AFF1: variants seen among roughly 807,000 people sequenced by gnomAD.
AFF1 encodes AF4/FMR2 family member 1.
Under a neutral mutation model 121.7 loss-of-function variants are expected in AFF1, and 48 were observed. The observed-to-expected ratio is 0.39, with a 90% CI of 0.31 to 0.50. The LOEUF (loss-of-function observed/expected upper bound fraction) is 0.50, where lower values mean the gene tolerates loss of function less well. Among genes scored for constraint, AFF1 ranks in the 20% least tolerant of loss-of-function variants. The pLI, the probability that AFF1 is intolerant of heterozygous loss-of-function variation, is 0.76. For missense variants in AFF1, 1,523 were observed against 1,511.7 expected, an observed-to-expected ratio of 1.01 and a Z score of -0.12; for synonymous variants, 613 against 563.0, an observed-to-expected ratio of 1.09 and a Z score of -1.26.
intron 2 of AFF1, among the ~76,000 whole-genome samples, chr4:86,991,992 C>G (rs1281070406): frequency 5.9e-5 from 9 of 152,150 alleles, no homozygotes; most frequent in Admixed American, 5.2e-4. Flanking sequence ...CAGAAGTCGT[C>G]TAGCTGAGCT....
chr4:87,009,373 A>G (rs1726496338), intron 2 of AFF1, among the ~76,000 whole-genome samples: 1 of 152,236 alleles, frequency 6.6e-6, no homozygotes, highest in African/African-American at 2.4e-5. Context: ...GGAGCTGCCA[A>G]GCCTCAGTAT....
intron 18 of AFF1, 43 bp from the exon 19 acceptor site, chr4:87,132,228 G>T: frequency 6.3e-7 from 1 of 1,594,240 alleles, no homozygotes; most frequent in Non-Finnish European, 8.5e-7. Context: ...CTTTTCTGTA[G>T]TATGATAGTC....
At chr4:86,938,495 C>A (rs1311083525) in intron 1 of AFF1, among the ~76,000 whole-genome samples, 1 of 149,740 alleles carries the variant, frequency 6.7e-6, no homozygotes, top group African/African-American at 2.5e-5. Context: ...GTGTATTTAC[C>A]ATAAATATAC....
intron 13 of AFF1, 109 bp downstream of exon 13, chr4:87,125,252 T>C (rs901318602): frequency 1.4e-6 from 1 of 692,890 alleles, no homozygotes; most frequent in African/African-American, 1.8e-5. Flanking sequence ...ATTAATAAAC[T>C]CAAGCTCATT....
intron 11 of AFF1, among the ~76,000 whole-genome samples, chr4:87,109,367 C>T (rs570359390): frequency 7.9e-5 from 12 of 152,200 alleles, no homozygotes; most frequent in Admixed American, 6.5e-4. Context: ...CTGTTAGATG[C>T]GAATCTATGT....
At chr4:87,012,386 C>T (rs958456058) in intron 2 of AFF1, among the ~76,000 whole-genome samples, 5 of 151,960 alleles carry the variant, frequency 3.3e-5, no homozygotes, top group Non-Finnish European at 5.9e-5. Flanking sequence ...CAATATGCAC[C>T]TCTAGGACAA....
At chr4:86,962,083 G>A (rs533086508) in intron 2 of AFF1, among the ~76,000 whole-genome samples, 8 of 152,098 alleles carry the variant, frequency 5.3e-5, no homozygotes, top group African/African-American at 1.7e-4. Context: ...CAAAGCCAGG[G>A]AGTTGAGAGC....
intron 4 of AFF1, among the ~76,000 whole-genome samples, chr4:87,049,488 T>C (rs1406319771): frequency 1.3e-5 from 2 of 152,206 alleles, no homozygotes; most frequent in Admixed American, 6.5e-5. Context: ...ATATTTAATA[T>C]GTATTTTGAA....
At chr4:86,940,926 A>G (rs1329137872) in intron 1 of AFF1, among the ~76,000 whole-genome samples, 1 of 151,646 alleles carries the variant, frequency 6.6e-6, no homozygotes, top group African/African-American at 2.4e-5. Context: ...TGTCTCTACT[A>G]AAAATACAAA....
At chr4:87,122,881 T>TAAAAAAAAA (rs3036188) in intron 12 of AFF1, among the ~76,000 whole-genome samples, 13 of 96,632 alleles carry the variant, frequency 1.3e-4, no homozygotes, top group Admixed American at 3.7e-4. Flanking sequence ...GGAAAATTAG[T>TAAAAAAAAA]AAAAAAAAAA....
intron 2 of AFF1, among the ~76,000 whole-genome samples, chr4:87,019,830 C>G (rs1298273029): frequency 7.5e-6 from 1 of 133,842 alleles, no homozygotes; most frequent in Non-Finnish European, 1.5e-5. Flanking sequence ...CAACTTGAAA[C>G]CAGTCTATCA....
intron 4 of AFF1, among the ~76,000 whole-genome samples, chr4:87,050,764 G>C (rs1181558768): frequency 6.6e-6 from 1 of 152,178 alleles, no homozygotes; most frequent in Non-Finnish European, 1.5e-5. Flanking sequence ...ACCAATCTGA[G>C]GCCAGGCCCA....
chr4:87,134,958 C>T (rs573163884), intron 20 of AFF1, among the ~76,000 whole-genome samples: 1 of 152,350 alleles, frequency 6.6e-6, no homozygotes, highest in Admixed American at 6.5e-5. Context: ...TGAAGCTCTG[C>T]TGTCATTACT....
At chr4:86,939,792 C>T (rs548529563) in intron 1 of AFF1, among the ~76,000 whole-genome samples, 7 of 152,216 alleles carry the variant, frequency 4.6e-5, no homozygotes, top group Non-Finnish European at 1.0e-4. Flanking sequence ...GTGTGCTCCT[C>T]TTACCCGTCC....
chr4:87,039,522 CT>C (rs1368171953), intron 2 of AFF1, among the ~76,000 whole-genome samples: 1 of 152,220 alleles, frequency 6.6e-6, no homozygotes, highest in East Asian at 1.9e-4. Flanking sequence ...CACAGTCCCC[CT>C]TTCATGGCTT....
chr4:87,118,866 G>A (rs1258739226), intron 12 of AFF1, among the ~76,000 whole-genome samples: 2 of 152,200 alleles, frequency 1.3e-5, no homozygotes, highest in Non-Finnish European at 2.9e-5. Flanking sequence ...ATGAAAGTAT[G>A]CTCCACAGGG....
In AFF1 at chr4:86,937,342, A is replaced by G. The variant is rs574562721; in HGVS notation, c.-37+2102A>G. 8.3e-4 allele frequency among the ~76,000 whole-genome samples: 127 copies of G among 152,340 alleles called. 5 individuals carry two copies. The South Asian group carries it at 0.025, about 31-fold the overall frequency. On this transcript the variant is annotated intron_variant, in intron 1 of 20. Transcript: ENST00000395146. ...CATTGTAAACATTGCTTTCTCCTACATGCGTAACAGGCATGCATTTTTTGC... is the reference window on the plus strand; with the variant it reads ...CATTGTAAACATTGCTTTCTCCTACGTGCGTAACAGGCATGCATTTTTTGC...
chr4:86,987,830 G>A lies in AFF1; in HGVS notation c.38+39259G>A, dbSNP rs1387771106. On this transcript the variant is annotated intron_variant, in intron 2 of 20. Transcript: ENST00000395146. ...TAGCTGGGCATGGTGGCACACGCTCGTAGTCCCAGGTACTCGGGAGGCTGA... is the reference window on the plus strand; with the variant it reads ...TAGCTGGGCATGGTGGCACACGCTCATAGTCCCAGGTACTCGGGAGGCTGA... Among the ~76,000 whole-genome samples the A allele has an allele frequency of 2.6e-5, 4 of 151,874 alleles. No individual in the cohort carries two copies. In the East Asian group the frequency reaches 5.8e-4, roughly 22 times the overall value.
chr4:87,127,166 T>TCCCCCCCCCCCCC (rs367995603), intron 15 of AFF1, 49 bp downstream of exon 15: 1 of 1,012,588 alleles, frequency 9.9e-7, no homozygotes, highest in Non-Finnish European at 1.4e-6. Flanking sequence ...TTGTTTTGCT[T>TCCCCCCCCCCCCC]CCCCCCCCCA....
Sources: gnomAD v4.1 joint callset for allele counts (sites outside exome capture counted in the v4.1 genomes callset) on GRCh38, gnomAD v4.1.1 for gene constraint, MANE v1.5 for transcripts, NCBI Gene and HGNC (gene_info 2026-07-23, HGNC 2026-07-21) for gene names.